Variants in DYM observed in about 807,000 individuals in gnomAD.
The protein encoded by DYM is dyggve-Melchior-Clausen syndrome protein.
In DYM, 78 loss-of-function variants were observed where a neutral mutation model predicts 93.1. That is an observed-to-expected ratio of 0.84 (90% CI 0.70 to 1.01). The LOEUF (loss-of-function observed/expected upper bound fraction) is 1.01. Ranked by LOEUF, DYM falls within the 50% of genes least tolerant of loss-of-function variation. The pLI is 0.00. For synonymous variants in DYM, 321 were observed against 319.7 expected, an observed-to-expected ratio of 1.00 and a Z score of -0.04; for missense variants, 789 against 845.0, an observed-to-expected ratio of 0.93 and a Z score of 0.82.
chr18:49,261,596 G>A (rs1342933021), intron 11 of DYM, among the ~76,000 whole-genome samples: 3 of 152,080 alleles, frequency 2.0e-5, no homozygotes, highest in South Asian at 4.1e-4. Context: ...TAGGGAGGCA[G>A]AGGTTGCAGT....
chr18:49,323,649 C>A (rs2062671038), intron 8 of DYM, among the ~76,000 whole-genome samples: 1 of 152,182 alleles, frequency 6.6e-6, no homozygotes, highest in Admixed American at 6.5e-5. Context: ...TAGGGTTCTA[C>A]ACCAAGAAGT....
intron 15 of DYM, among the ~76,000 whole-genome samples, chr18:49,146,450 T>C (rs1295107619): frequency 6.6e-6 from 1 of 152,150 alleles, no homozygotes; most frequent in African/African-American, 2.4e-5. Context: ...AAAACCCCAT[T>C]GTCTCAGCAC....
chr18:49,084,901 A>T (rs1415035416), intron 17 of DYM, among the ~76,000 whole-genome samples: 2 of 152,178 alleles, frequency 1.3e-5, no homozygotes, highest in African/African-American at 4.8e-5. Context: ...TGACAGTTAT[A>T]CCCAAAGTCA....
chr18:49,072,248 G>A (rs1442168891), intron 17 of DYM, among the ~76,000 whole-genome samples: 1 of 152,122 alleles, frequency 6.6e-6, no homozygotes, highest in African/African-American at 2.4e-5. Flanking sequence ...TTTAAACAAT[G>A]ATCTCTGGTC....
intron 8 of DYM, among the ~76,000 whole-genome samples, chr18:49,310,319 T>G (rs2061513707): frequency 6.6e-6 from 1 of 152,230 alleles, no homozygotes; most frequent in Admixed American, 6.5e-5. Flanking sequence ...ATTTATTCAA[T>G]TTAAGTTACC....
intron 1 of DYM, among the ~76,000 whole-genome samples, chr18:49,435,888 T>C (rs940922373): frequency 1.3e-5 from 2 of 152,198 alleles, no homozygotes; most frequent in African/African-American, 4.8e-5. Context: ...ACCACTAGGA[T>C]TGTTTTTACA....
At chr18:49,278,790 T>G (rs564287572) in intron 10 of DYM, among the ~76,000 whole-genome samples, 1 of 152,290 alleles carries the variant, frequency 6.6e-6, no homozygotes, top group African/African-American at 2.4e-5. Context: ...GATAACATCA[T>G]TCAGCCCCTA....
chr18:49,187,918 A>C (rs2090604997), intron 14 of DYM, among the ~76,000 whole-genome samples: 1 of 152,136 alleles, frequency 6.6e-6, no homozygotes, highest in Non-Finnish European at 1.5e-5. Flanking sequence ...TTATGGAGAG[A>C]GATATCAAAC....
intron 1 of DYM, among the ~76,000 whole-genome samples, chr18:49,442,074 A>G (rs1027309546): frequency 6.6e-6 from 1 of 152,170 alleles, no homozygotes; most frequent in African/African-American, 2.4e-5. Context: ...ACAGAAATTT[A>G]GGAACTGCCA....
chr18:49,253,234 T>C (rs1468481350), intron 13 of DYM, among the ~76,000 whole-genome samples: 4 of 152,254 alleles, frequency 2.6e-5, no homozygotes, highest in African/African-American at 7.2e-5. Flanking sequence ...TTAGGAATCA[T>C]GTATATGAAA....
intron 15 of DYM, among the ~76,000 whole-genome samples, chr18:49,134,612 AACAG>A (rs1354941302): frequency 6.6e-6 from 1 of 152,216 alleles, no homozygotes; most frequent in East Asian, 1.9e-4. Flanking sequence ...AGTTTATTGA[AACAG>A]ACAAACAATA....
At chr18:49,116,128 G>C (rs1356251751) in intron 16 of DYM, 1 of 152,178 alleles carries the variant, frequency 6.6e-6, no homozygotes, top group African/African-American at 2.4e-5. Context: ...CTCATTCGGA[G>C]AAGCCCAAAG....
chr18:49,105,777 T>C (rs970482132), intron 16 of DYM, among the ~76,000 whole-genome samples: 4 of 152,212 alleles, frequency 2.6e-5, no homozygotes, highest in African/African-American at 7.2e-5. Flanking sequence ...GAGAGACAGT[T>C]TGTTATAATT....
chr18:49,157,039 C>T (rs1266530262), intron 15 of DYM, among the ~76,000 whole-genome samples: 7 of 151,902 alleles, frequency 4.6e-5, no homozygotes, highest in Non-Finnish European at 8.8e-5. Context: ...TCTGGTTTGG[C>T]TTATTTCTGG....
At chr18:49,332,153 C>A in intron 7 of DYM, 147 bp from the exon 8 acceptor site, 2 of 828,172 alleles carry the variant, frequency 2.4e-6, no homozygotes, top group Non-Finnish European at 3.8e-6. Context: ...GCACTGCACA[C>A]AACAGTGAAG....
intron 1 of DYM, among the ~76,000 whole-genome samples, chr18:49,457,535 T>C (rs1447108194): frequency 6.6e-6 from 1 of 152,240 alleles, no homozygotes; most frequent in Non-Finnish European, 1.5e-5. Flanking sequence ...CAGTCTTCTC[T>C]AGATCTAACC....
intron 6 of DYM, among the ~76,000 whole-genome samples, chr18:49,360,820 C>G (rs1320437638): frequency 6.6e-6 from 1 of 152,150 alleles, no homozygotes; most frequent in Non-Finnish European, 1.5e-5. Context: ...TAAGAGGAAA[C>G]CCAAAGATAT....
At chr18:49,100,416 A>C (rs574137985) in intron 16 of DYM, among the ~76,000 whole-genome samples, 2 of 152,074 alleles carry the variant, frequency 1.3e-5, no homozygotes, top group Admixed American at 1.3e-4. Flanking sequence ...AAAGTAATGC[A>C]ATGACAGTTT....
intron 6 of DYM, among the ~76,000 whole-genome samples, chr18:49,340,108 C>G (rs563098861): frequency 2.0e-5 from 3 of 152,098 alleles, no homozygotes; most frequent in Admixed American, 6.5e-5. Context: ...CCCGCCACCA[C>G]GCCCAGCTAA....
Sources: allele counts gnomAD v4.1 joint callset (sites outside exome capture counted in the v4.1 genomes callset), GRCh38; gene constraint gnomAD v4.1.1; transcripts MANE v1.5; gene names NCBI Gene and HGNC (gene_info 2026-07-23, HGNC 2026-07-21).